The following GALNT17 variants were observed in gnomAD, a reference collection of about 807,000 sequenced individuals.
The protein encoded by GALNT17 is UDP-GalNAc:polypeptide N-acetylgalactosaminyltransferase-like 3.
A neutral mutation model predicts 63.7 loss-of-function variants in GALNT17; 29 were observed. The observed-to-expected ratio is 0.46, with a 90% CI of 0.34 to 0.62. The LOEUF (loss-of-function observed/expected upper bound fraction) is 0.62. Ranked by LOEUF, GALNT17 falls within the 20% of genes least tolerant of loss-of-function variation. GALNT17 has a pLI of 0.01. For synonymous variants in GALNT17, 305 were observed against 318.3 expected (o/e 0.96, Z 0.45); for missense variants, 603 against 799.6 (o/e 0.75, Z 2.97).
At chr7:71,161,813 C>T (rs1298784998) in intron 1 of GALNT17, among the ~76,000 whole-genome samples, 1 of 152,112 alleles carries the variant, frequency 6.6e-6, no homozygotes, top group Non-Finnish European at 1.5e-5. Flanking sequence ...CTGTTACATG[C>T]ACAAAGAAGG....
intron 1 of GALNT17, among the ~76,000 whole-genome samples, chr7:71,146,224 G>A (rs28515977): frequency 0.2 from 29,765 of 151,770 alleles, 4,731 homozygotes; most frequent in African/African-American, 0.44. Context: ...GTTCCTCCCC[G>A]GGTGCCACCA....
chr7:71,625,043 G>C (rs1338028131), intron 6 of GALNT17, among the ~76,000 whole-genome samples: 1 of 152,170 alleles, frequency 6.6e-6, no homozygotes, highest in Non-Finnish European at 1.5e-5. Flanking sequence ...GTAGAGCCCT[G>C]AAAAGCTCTC....
intron 9 of GALNT17, among the ~76,000 whole-genome samples, chr7:71,701,503 A>AG (rs1348227710): frequency 1.3e-5 from 2 of 151,768 alleles, no homozygotes; most frequent in Non-Finnish European, 2.9e-5. Flanking sequence ...GAAAAAAAAA[A>AG]GAATATGACA....
Position 71,323,310 on chromosome 7 carries a change from A to G in GALNT17, c.239-12240A>G, listed in dbSNP as rs116864932. ...CTCTTTGTCCCTGGGAGAATACAGT[A>G]TAAGCTGGGTCGCCATCACTCTGGA... On this transcript the variant is annotated intron_variant, in intron 1 of 10. Coordinates refer to ENST00000333538, the MANE Select transcript of GALNT17 (RefSeq NM_022479.3). Among the ~76,000 whole-genome samples, 62 of 152,318 alleles carry G rather than the reference A, an allele frequency of 4.1e-4. 2 individuals carry two copies. The East Asian group carries it at 0.011, about 27-fold the overall frequency.
At chr7:71,504,314 G>C (rs149638026) in intron 5 of GALNT17, among the ~76,000 whole-genome samples, 1 of 151,890 alleles carries the variant, frequency 6.6e-6, no homozygotes, top group South Asian at 2.1e-4. Flanking sequence ...AGAATTGCTT[G>C]AACCTGGGTT....
intron 1 of GALNT17, among the ~76,000 whole-genome samples, chr7:71,329,637 A>T (rs1791768089): frequency 1.3e-5 from 2 of 152,066 alleles, no homozygotes; most frequent in Non-Finnish European, 2.9e-5. Context: ...CACAATCTTC[A>T]CATGGACAGA....
intron 1 of GALNT17, among the ~76,000 whole-genome samples, chr7:71,247,663 G>C (rs1790123689): frequency 6.6e-6 from 1 of 151,886 alleles, no homozygotes; most frequent in African/African-American, 2.4e-5. Context: ...TGCCACATTG[G>C]CCAGGTTGGT....
At chr7:71,149,189 G>C (rs1788086740) in intron 1 of GALNT17, among the ~76,000 whole-genome samples, 1 of 152,062 alleles carries the variant, frequency 6.6e-6, no homozygotes, top group Non-Finnish European at 1.5e-5. Flanking sequence ...GAGTAGCTGG[G>C]ACAACAAGCA....
At chr7:71,609,128 C>CT in intron 6 of GALNT17, among the ~76,000 whole-genome samples, 2 of 152,154 alleles carry the variant, frequency 1.3e-5, no homozygotes, top group Non-Finnish European at 1.5e-5. Flanking sequence ...CTCTGCCTGT[C>CT]TAAGTCTTCT....
rs999868925 is a variant in GALNT17 at position 71,397,615 on chromosome 7, A to G, written c.589+9214A>G. Reference sequence around the variant, plus strand: ...AAAAATGACAACTCTCGCTGCATCTATCTGAAGTCACACTGCCCTGTTATG... The same window carrying G: ...AAAAATGACAACTCTCGCTGCATCTGTCTGAAGTCACACTGCCCTGTTATG... On this transcript the variant is annotated intron_variant, in intron 3 of 10. Coordinates refer to ENST00000333538, the MANE Select transcript of GALNT17 (RefSeq NM_022479.3). Among the ~76,000 whole-genome samples, 6 of 152,322 alleles carry G rather than the reference A, an allele frequency of 3.9e-5. No homozygotes were observed. In the South Asian group the frequency reaches 8.3e-4, roughly 21 times the overall value.
At chr7:71,219,474 C>G (rs1259837347) in intron 1 of GALNT17, among the ~76,000 whole-genome samples, 1 of 152,138 alleles carries the variant, frequency 6.6e-6, no homozygotes, top group Admixed American at 6.5e-5. Context: ...CAGTTGATCA[C>G]TTGCTTTTTA....
intron 2 of GALNT17, among the ~76,000 whole-genome samples, chr7:71,344,970 G>A (rs1231580451): frequency 6.6e-6 from 1 of 152,094 alleles, no homozygotes; most frequent in Non-Finnish European, 1.5e-5. Flanking sequence ...GAAGACAGCA[G>A]CTCTGCTTGT....
chr7:71,516,058 A>C (rs924081374), intron 5 of GALNT17, among the ~76,000 whole-genome samples: 1 of 152,196 alleles, frequency 6.6e-6, no homozygotes, highest in African/African-American at 2.4e-5. Flanking sequence ...TGCATTTTGC[A>C]TAAGATGAAC....
At chr7:71,418,601 C>T (rs770668681) in intron 4 of GALNT17, among the ~76,000 whole-genome samples, 5 of 152,130 alleles carry the variant, frequency 3.3e-5, no homozygotes, top group Non-Finnish European at 5.9e-5. Context: ...GATGTGACAC[C>T]GTCATTTTGC....
chr7:71,589,258 C>T (rs923831027), intron 6 of GALNT17, among the ~76,000 whole-genome samples: 3 of 152,074 alleles, frequency 2.0e-5, no homozygotes, highest in Non-Finnish European at 2.9e-5. Context: ...AATGTTATTA[C>T]GTTAAATGGG....
chr7:71,471,425 C>G (rs4719125), intron 5 of GALNT17, among the ~76,000 whole-genome samples: 1 of 127,676 alleles, frequency 7.8e-6, no homozygotes, highest in African/African-American at 3.0e-5. Context: ...CAAAAAAAAC[C>G]AAAAACCATA....
chr7:71,446,455 A>G (rs1392867472), intron 5 of GALNT17, among the ~76,000 whole-genome samples: 1 of 152,214 alleles, frequency 6.6e-6, no homozygotes, highest in Non-Finnish European at 1.5e-5. Context: ...TGTAAAATTT[A>G]TATTTTCATA....
rs191239613 is a variant in GALNT17, at chr7:71,634,732, C to T, written c.1081-30679C>T. 7.2e-3 allele frequency among the ~76,000 whole-genome samples: 910 copies of T among 126,248 alleles called. 8 individuals are homozygous for T. The highest frequency in any genetic ancestry group is 0.025 in the African/African-American group (831 of 32,874). The allele number at this position is 126,248 out of a possible 152,430, so 82.8% of individuals were successfully genotyped here. On this transcript the variant is annotated intron_variant, in intron 6 of 10. Coordinates refer to ENST00000333538, the MANE Select transcript of GALNT17 (RefSeq NM_022479.3). ...TGGTACTACTGCACTCCAGCCTGGG[C>T]GACGGAGCGAGACTCCATCTCAAAA... is the stretch of plus-strand genomic sequence containing the variant.
At chr7:71,611,644 A>G (rs1298263627) in intron 6 of GALNT17, among the ~76,000 whole-genome samples, 2 of 152,090 alleles carry the variant, frequency 1.3e-5, no homozygotes, top group African/African-American at 4.8e-5. Context: ...GCAGTCATAC[A>G]TCCAAAAAAA....
Sources: allele counts gnomAD v4.1 joint callset (sites outside exome capture counted in the v4.1 genomes callset), GRCh38; gene constraint gnomAD v4.1.1; transcripts MANE v1.5; gene names NCBI Gene and HGNC (gene_info 2026-07-23, HGNC 2026-07-21).